The following RBFOX3 variants were observed in gnomAD, a reference collection of about 807,000 sequenced individuals.
RBFOX3 encodes RNA binding fox-1 homolog 3, also known as RNA binding protein fox-1 homolog 3.
RBFOX3 carries 17 observed loss-of-function variants against 48.7 expected under a neutral mutation model. The ratio of observed to expected loss-of-function variants is 0.35; its 90% CI spans 0.24 to 0.52. The LOEUF (loss-of-function observed/expected upper bound fraction) is 0.52, where lower values mean the gene tolerates loss of function less well. RBFOX3 is among the 20% of genes least tolerant of loss of function. The pLI is 0.94. For missense variants in RBFOX3, 382 were observed against 497.5 expected, an observed-to-expected ratio of 0.77 and a Z score of 2.21; for synonymous variants, 212 against 209.5, an observed-to-expected ratio of 1.01 and a Z score of -0.10.
chr17:79,180,451 T>C (rs1418761689), intron 4 of RBFOX3, among the ~76,000 whole-genome samples: 1 of 152,224 alleles, frequency 6.6e-6, no homozygotes, highest in African/African-American at 2.4e-5. Context: ...CTGTTGAGAT[T>C]GAATGTACAG....
chr17:79,393,753 C>T (rs1302524097), intron 2 of RBFOX3, among the ~76,000 whole-genome samples: 5 of 151,784 alleles, frequency 3.3e-5, no homozygotes, highest in African/African-American at 4.8e-5. Context: ...TCATCACGCA[C>T]ATCAGAGCTG....
chr17:79,239,160 C>T (rs566817105), intron 3 of RBFOX3, among the ~76,000 whole-genome samples: 1 of 152,162 alleles, frequency 6.6e-6, no homozygotes, highest in Non-Finnish European at 1.5e-5. Context: ...GATGTCGGCT[C>T]CCCCTCCTCT....
the RBFOX3 span, among the ~76,000 whole-genome samples, chr17:79,634,636 G>A: frequency 6.6e-6 from 1 of 152,078 alleles, no homozygotes; most frequent in African/African-American, 2.4e-5. Flanking sequence ...GAGCCTTCAG[G>A]GTAATTGACC....
rs185926800 is a variant in RBFOX3, at chr17:79,297,999, C to T, written c.-74+9725G>A. ...TGGTAGCTTCTCCTTGTGGAGAGTT[C>T]GCCATCAAGCAAATACGAAACACAT... On this transcript the variant is annotated intron_variant, in intron 3 of 14. Transcript: ENST00000693108. 1.0e-3 allele frequency among the ~76,000 whole-genome samples: 158 copies of T among 152,276 alleles called. 2 individuals are homozygous for T. The Middle Eastern group carries it at 0.031, about 30-fold the overall frequency.
intron 3 of RBFOX3, among the ~76,000 whole-genome samples, chr17:79,262,366 C>T (rs546512406): frequency 4.6e-5 from 7 of 152,260 alleles, no homozygotes; most frequent in African/African-American, 1.2e-4. Flanking sequence ...CATGACCCTG[C>T]GCAAGCAGAT....
intron 1 of RBFOX3, among the ~76,000 whole-genome samples, chr17:79,485,518 G>C (rs2079443360): frequency 1.5e-5 from 2 of 130,418 alleles, no homozygotes; most frequent in African/African-American, 2.6e-5. Context: ...GCCTTCTCTA[G>C]GTGCTGCTCT....
intron 2 of RBFOX3, among the ~76,000 whole-genome samples, chr17:79,374,298 A>T (rs2058950635): frequency 6.6e-6 from 1 of 152,086 alleles, no homozygotes; most frequent in African/African-American, 2.4e-5. Flanking sequence ...AGGGCAAGGG[A>T]CCACCATCTC....
At chr17:79,654,421 TGAAA>T in the RBFOX3 span, among the ~76,000 whole-genome samples, 1 of 152,072 alleles carries the variant, frequency 6.6e-6, no homozygotes, top group South Asian at 2.1e-4. Flanking sequence ...CCTAAGCAAA[TGAAA>T]GAAGCATTAG....
At chr17:79,378,397 C>A (rs546533300) in intron 2 of RBFOX3, among the ~76,000 whole-genome samples, 1 of 152,178 alleles carries the variant, frequency 6.6e-6, no homozygotes, top group Non-Finnish European at 1.5e-5. Context: ...CACAGGCATG[C>A]CCCAGACCAT....
intron 2 of RBFOX3, among the ~76,000 whole-genome samples, chr17:79,372,029 C>T (rs1052065612): frequency 3.3e-5 from 5 of 152,110 alleles, no homozygotes; most frequent in East Asian, 1.9e-4. Context: ...CAGGCAGGTT[C>T]GAGGAGACCC....
intron 1 of RBFOX3, among the ~76,000 whole-genome samples, chr17:79,543,127 C>G (rs1401188915): frequency 6.6e-6 from 1 of 152,046 alleles, no homozygotes; most frequent in Admixed American, 6.6e-5. Context: ...GGCAGCTGAA[C>G]GGTAAAGGGG....
chr17:79,660,048 A>T, the RBFOX3 span, among the ~76,000 whole-genome samples: 1 of 152,162 alleles, frequency 6.6e-6, no homozygotes, highest in Non-Finnish European at 1.5e-5. Context: ...TGAACAGGGC[A>T]TGGTGGCGGG....
chr17:79,244,119 C>A (rs1486287829), intron 3 of RBFOX3, among the ~76,000 whole-genome samples: 1 of 152,174 alleles, frequency 6.6e-6, no homozygotes, highest in African/African-American at 2.4e-5. Flanking sequence ...GAAACAGGTT[C>A]TTTGCAAATG....
chr17:79,325,945 T>G (rs1598270611), intron 2 of RBFOX3, among the ~76,000 whole-genome samples: 1 of 152,212 alleles, frequency 6.6e-6, no homozygotes, highest in Non-Finnish European at 1.5e-5. Flanking sequence ...ATGGACCAAC[T>G]GCACTTTCAG....
At chr17:79,317,450 G>T (rs2077695395) in intron 2 of RBFOX3, among the ~76,000 whole-genome samples, 1 of 152,232 alleles carries the variant, frequency 6.6e-6, no homozygotes, top group Non-Finnish European at 1.5e-5. Flanking sequence ...CACCTGTGGG[G>T]CTCAGGGTGA....
At position 79,303,169 on chromosome 17, in the gene RBFOX3, C is replaced by G. The variant is rs193167115; in HGVS notation, c.-74+4555G>C. Among the ~76,000 whole-genome samples the G allele has an allele frequency of 5.9e-5, 9 of 152,260 alleles. No homozygotes were observed. In the East Asian group the frequency reaches 1.3e-3, roughly 23 times the overall value. On this transcript the variant is annotated intron_variant, in intron 3 of 14. Transcript: ENST00000693108. ...GCTGTAGTAAGCCTTAATCACACCA[C>G]CGTACTCCAGCCTGTGTGACAGAAC...
At chr17:79,092,142 C>T (rs999660367) in intron 14 of RBFOX3, 86 of 985,430 alleles carry the variant, frequency 8.7e-5, no homozygotes, top group Non-Finnish European at 9.9e-5. Context: ...CGGGGCTGGT[C>T]GGGTGGCTTT....
In RBFOX3 at chr17:79,443,629, C is replaced by T. The variant is rs563668681; in HGVS notation, c.-175+38825G>A. 1.6e-3 allele frequency among the ~76,000 whole-genome samples: 242 copies of T among 152,276 alleles called. 1 individual carries two copies. Among genetic ancestry groups the T allele is most frequent in the African/African-American group, 5.4e-3 (226 of 41,540 alleles). Reference sequence around the variant, plus strand: ...AACTCCTGACCTCAGGTGATCCACCCGCCTCGGCCTCCCAAAGTGCTGGGA... The same window carrying T: ...AACTCCTGACCTCAGGTGATCCACCTGCCTCGGCCTCCCAAAGTGCTGGGA... On this transcript the variant is annotated intron_variant, in intron 2 of 14. Transcript: ENST00000693108. This position sits in a 1 kb window ranked among gnomAD's most constrained non-coding sequence, Gnocchi z 4.4.
At chr17:79,302,058 A>G (rs1218150779) in intron 3 of RBFOX3, among the ~76,000 whole-genome samples, 1 of 152,190 alleles carries the variant, frequency 6.6e-6, no homozygotes, top group Non-Finnish European at 1.5e-5. Context: ...TTGCACAACA[A>G]TGCAAATGCA....
Sources: allele counts gnomAD v4.1 joint callset (sites outside exome capture counted in the v4.1 genomes callset), GRCh38; gene constraint gnomAD v4.1.1; non-coding constraint Gnocchi (gnomAD v3.1); transcripts MANE v1.5; gene names NCBI Gene and HGNC (gene_info 2026-07-23, HGNC 2026-07-21).